The following PHF14 variants were observed in gnomAD, a reference collection of about 807,000 sequenced individuals.
PHF14 encodes the protein PHD finger protein 14.
PHF14 carries 55 observed loss-of-function variants against 117.9 expected under a neutral mutation model. The ratio of observed to expected loss-of-function variants is 0.47; its 90% CI spans 0.38 to 0.58. The LOEUF is 0.58. PHF14 is among the 20% of genes least tolerant of loss of function. The probability of loss-of-function intolerance (pLI) is 0.00; values close to 1 mark genes in which losing one functional copy is unlikely to be tolerated. For synonymous variants in PHF14, 409 were observed against 368.6 expected, an observed-to-expected ratio of 1.11 and a Z score of -1.26; for missense variants, 978 against 1,122.2, an observed-to-expected ratio of 0.87 and a Z score of 1.84.
chr7:11,052,241 G>A (rs1784871008), intron 14 of PHF14, among the ~76,000 whole-genome samples: 1 of 152,128 alleles, frequency 6.6e-6, no homozygotes, highest in South Asian at 2.1e-4. Flanking sequence ...GGAATCAAAT[G>A]TTTTTCTCTG....
At chr7:11,167,616 A>G (rs1562493156) in intron 17 of PHF14, among the ~76,000 whole-genome samples, 1 of 152,224 alleles carries the variant, frequency 6.6e-6, no homozygotes, top group Non-Finnish European at 1.5e-5. Context: ...TCAGTGCTAC[A>G]TATCAAAAAT....
At chr7:11,151,443 C>G (rs1337715844) in intron 17 of PHF14, among the ~76,000 whole-genome samples, 2 of 152,010 alleles carry the variant, frequency 1.3e-5, no homozygotes, top group Non-Finnish European at 2.9e-5. Flanking sequence ...CCTATAGTTC[C>G]AACTACTTGG....
chr7:11,102,843 C>T (rs1583467695), intron 16 of PHF14: 6 of 1,199,140 alleles, frequency 5.0e-6, no homozygotes, highest in Admixed American at 7.6e-5. Flanking sequence ...TCAGAATTGT[C>T]GTATTAAGTA....
intron 17 of PHF14, among the ~76,000 whole-genome samples, chr7:11,143,858 CCAAAAATT>C (rs1788467558): frequency 6.6e-6 from 1 of 151,746 alleles, no homozygotes; most frequent in South Asian, 2.1e-4. Context: ...GGTACCAAAA[CCAAAAATT>C]GACAAATGGA....
rs569708872 is a variant in PHF14 at position 10,990,095 on chromosome 7, C to A, written c.901-608C>A. Among the ~76,000 whole-genome samples, 13 of 152,254 alleles carry A rather than the reference C, an allele frequency of 8.5e-5. No homozygotes were observed. The South Asian group carries it at 1.9e-3, about 22-fold the overall frequency. On this transcript the variant is annotated intron_variant, in intron 3 of 17. Transcript: ENST00000634607. The stretch of plus-strand genomic sequence containing the variant: ...GTATCTCTGTGTATTCATATACCTA[C>A]GCAGGCTCTCATGGATCTGTCTTAC...
At chr7:11,044,537 G>A (rs1784605519) in intron 13 of PHF14, among the ~76,000 whole-genome samples, 1 of 152,064 alleles carries the variant, frequency 6.6e-6, no homozygotes, top group African/African-American at 2.4e-5. Context: ...CTTAGCTTTG[G>A]TTAGCAGTTA....
intron 17 of PHF14, among the ~76,000 whole-genome samples, chr7:11,125,860 G>A (rs1787913623): frequency 6.6e-6 from 1 of 152,022 alleles, no homozygotes; most frequent in South Asian, 2.1e-4. Context: ...TTGAAATTAA[G>A]TCGGTTTTTT....
At chr7:11,043,879 A>G (rs1784576733) in intron 13 of PHF14, among the ~76,000 whole-genome samples, 1 of 152,128 alleles carries the variant, frequency 6.6e-6, no homozygotes, top group Non-Finnish European at 1.5e-5. Context: ...ATGTTTTGCC[A>G]TGAACTTATA....
chr7:11,054,205 TG>T (rs2128327459), intron 14 of PHF14, among the ~76,000 whole-genome samples: 2 of 152,174 alleles, frequency 1.3e-5, no homozygotes, highest in East Asian at 3.9e-4. Flanking sequence ...AGGACCATCT[TG>T]GGTATTTGTT....
In PHF14 at chr7:10,990,722, A is replaced by G. The variant is rs376387201; in HGVS notation, c.920A>G (p.Lys307Arg). The G allele has an allele frequency of 1.3e-6, 2 of 1,551,152 alleles. No individual in the cohort carries two copies. Among genetic ancestry groups the G allele is most frequent in the Non-Finnish European group, 1.8e-6 (2 of 1,142,710 alleles). Reference sequence around the variant, plus strand: ...TATTAGGACTCGCTGATTCTTGAGAAGAGTCAAAACTGGAGCTCTCAAAAA... The same window carrying G: ...TATTAGGACTCGCTGATTCTTGAGAGGAGTCAAAACTGGAGCTCTCAAAAA... ...KSNEDSLILE[K>R]SQNWSSQKMD... is the part of the protein sequence containing the mutation. Residue 307 changes from lysine (K) to arginine (R), a missense_variant, in exon 4 of 18, where the codon AAG becomes AGG. This residue lies in a region of PHF14 where 414 missense variants were observed against 376.4 expected (regional missense o/e 1.10). Coordinates refer to ENST00000634607, the MANE Select transcript of PHF14 (RefSeq NM_001007157.2).
At chr7:11,063,769 G>A (rs563723521) in intron 16 of PHF14, 23 of 734,994 alleles carry the variant, frequency 3.1e-5, no homozygotes, top group African/African-American at 2.7e-4. Flanking sequence ...TATTTTAGTC[G>A]TTTAATAAAA....
intron 17 of PHF14, among the ~76,000 whole-genome samples, chr7:11,141,592 A>G (rs554791149): frequency 2.0e-5 from 3 of 152,180 alleles, no homozygotes; most frequent in African/African-American, 7.2e-5. Flanking sequence ...GCATTGTGTT[A>G]TATAATAGCC....
intron 10 of PHF14, 87 bp downstream of exon 10, chr7:11,037,178 TG>T (rs1784344621): frequency 8.2e-7 from 1 of 1,225,276 alleles, no homozygotes; most frequent in Non-Finnish European, 1.1e-6. Context: ...TTTTATGTTT[TG>T]TTTTTAATTT....
At chr7:10,998,115 A>G (rs1782728048) in intron 4 of PHF14, among the ~76,000 whole-genome samples, 1 of 152,168 alleles carries the variant, frequency 6.6e-6, no homozygotes, top group South Asian at 2.1e-4. Flanking sequence ...TGCTGGAACA[A>G]AGGTTTTGAG....
At position 11,094,403 on chromosome 7, in the gene PHF14, A is replaced by AC. The variant is rs1423646005; in HGVS notation, c.2655-16942dup. 3.3e-5 allele frequency among the ~76,000 whole-genome samples: 5 copies of AC among 151,678 alleles called. No individual in the cohort carries two copies. In the East Asian group the frequency reaches 9.7e-4, roughly 29 times the overall value. ...GTTGTTCTGCACTCCTTGGTTCATG[A>AC]CCCCCAACTTCTTGCAGCTATAGTC... On this transcript the variant is annotated intron_variant, in intron 16 of 17. Coordinates refer to ENST00000634607, the MANE Select transcript of PHF14 (RefSeq NM_001007157.2).
chr7:11,121,183 A>G (rs1354682907), intron 17 of PHF14, among the ~76,000 whole-genome samples: 1 of 152,162 alleles, frequency 6.6e-6, no homozygotes, highest in Non-Finnish European at 1.5e-5. Flanking sequence ...TTTTTATTAT[A>G]TACATGTGGG....
intron 17 of PHF14, among the ~76,000 whole-genome samples, chr7:11,120,189 T>G (rs1787711229): frequency 1.3e-5 from 2 of 151,946 alleles, no homozygotes; most frequent in South Asian, 2.1e-4. Context: ...TTCTGAGCTT[T>G]GAAAAGAAAC....
intron 17 of PHF14, among the ~76,000 whole-genome samples, chr7:11,138,230 G>A (rs998205271): frequency 2.0e-5 from 3 of 151,684 alleles, no homozygotes; most frequent in African/African-American, 2.4e-5. Context: ...TTTAGTAGAG[G>A]CAGGGTTTCA....
At chr7:11,110,471 A>G (rs1223144912) in intron 16 of PHF14, 1 of 865,942 alleles carries the variant, frequency 1.2e-6, no homozygotes, top group Non-Finnish European at 1.4e-6. Context: ...AACTGATGCA[A>G]AATTCTTTTT....
Sources: allele counts gnomAD v4.1 joint callset (sites outside exome capture counted in the v4.1 genomes callset), GRCh38; gene constraint gnomAD v4.1.1; regional missense constraint gnomAD v4.1.1; transcripts MANE v1.5; gene names NCBI Gene and HGNC (gene_info 2026-07-23, HGNC 2026-07-21).